The following EPC1 variants were observed in gnomAD, a reference collection of about 807,000 sequenced individuals.
The protein encoded by EPC1 is enhancer of polycomb homolog 1.
EPC1 carries 12 observed loss-of-function variants against 98.4 expected under a neutral mutation model. The ratio of observed to expected loss-of-function variants is 0.12; its 90% CI spans 0.08 to 0.20. EPC1 has a LOEUF of 0.20. Ranked by LOEUF, EPC1 falls within the 10% of genes least tolerant of loss-of-function variation. The pLI, the probability that EPC1 is intolerant of heterozygous loss-of-function variation, is 1.00. For synonymous variants in EPC1, 357 were observed against 363.9 expected (o/e 0.98, Z 0.21); for missense variants, 729 against 990.5 (o/e 0.74, Z 3.54).
chr10:32,374,894 C>T (rs983028544), intron 1 of EPC1, among the ~76,000 whole-genome samples: 9 of 151,968 alleles, frequency 5.9e-5, no homozygotes, highest in African/African-American at 2.2e-4. Context: ...AAAATAGAAA[C>T]AAATGTTGAA....
chr10:32,286,746 C>G lies in EPC1; in HGVS notation c.1339G>C (p.Val447Leu). 2.5e-6 allele frequency: 4 copies of G among 1,614,036 alleles called. No individual in the cohort carries two copies. The African/African-American group carries it at 5.3e-5, about 22-fold the overall frequency. The change falls in exon 9 of 14, where the codon GTA becomes CTA. Residue 447 changes from valine (V) to leucine (L), a missense_variant. This residue lies in a region of EPC1 where 390 missense variants were observed against 438.6 expected (regional missense o/e 0.89). Transcript: ENST00000319778. ...GCAAATCCAATACACCTTTGGGGTA[C>G]GGTGAGAGTAGTTAAGCAGTATCTA... Reference protein sequence around the residue: ...RYRYCLTTLTVPQRCIGFARR... With the variant: ...RYRYCLTTLTLPQRCIGFARR...
rs949240794 is a variant in EPC1 at position 32,286,466 on chromosome 10, T to C, written c.1391+228A>G. 9.7e-6 allele frequency: 5 copies of C among 514,072 alleles called. No homozygotes were observed. The South Asian group carries it at 1.4e-4, about 15-fold the overall frequency. The allele number at this position is 514,072 out of a possible 1,614,324, so 31.8% of individuals were successfully genotyped here. A position where few individuals can be genotyped will look rare whatever the true frequency, so the allele number is the denominator to read the frequency against. ...GATAATTTATCTGAGGTTTTCCACC[T>C]TGGGGAGAAAAGCAGGTCCACTAGG... On this transcript the variant is annotated intron_variant, in intron 9 of 13. Coordinates refer to ENST00000319778, the MANE Select transcript of EPC1 (RefSeq NM_001272004.3).
At chr10:32,273,482 G>GT (rs1835935983) in intron 10 of EPC1, among the ~76,000 whole-genome samples, 1 of 146,170 alleles carries the variant, frequency 6.8e-6, no homozygotes. Flanking sequence ...TGAATTTAAA[G>GT]AAAAAAAAAA....
chr10:32,333,990 A>C (rs1035731558), intron 1 of EPC1, among the ~76,000 whole-genome samples: 2 of 152,242 alleles, frequency 1.3e-5, no homozygotes, highest in African/African-American at 4.8e-5. Context: ...TTGTGGTAGA[A>C]AGCAAGATAA....
intron 2 of EPC1, among the ~76,000 whole-genome samples, chr10:32,304,925 A>T (rs995113937): frequency 6.6e-6 from 1 of 151,656 alleles, no homozygotes; most frequent in African/African-American, 2.4e-5. Flanking sequence ...TCTTAAAAAA[A>T]AAAAAAAAAA....
chr10:32,362,191 A>G (rs566742079), intron 1 of EPC1, among the ~76,000 whole-genome samples: 32 of 152,218 alleles, frequency 2.1e-4, no homozygotes, highest in African/African-American at 7.7e-4. Context: ...TTTTTCTTGC[A>G]TGAGATCCAA....
chr10:32,305,913 C>T lies in EPC1; in HGVS notation c.172G>A (p.Ala58Thr). Residue 58 changes from alanine to threonine, a missense_variant, in exon 2 of 14, where the codon GCT (alanine) becomes ACT (threonine). Physicochemically the swap from Ala to Thr is moderately conservative, Grantham distance 58. Transcript: ENST00000319778. Reference protein sequence around the residue: ...EEESEHHLQRAISAQQVYGEK... With the variant: ...EEESEHHLQRTISAQQVYGEK... ...CCATACACCTGCTGTGCTGAAATAGCCCGCTGAAGATGATGTTCCTAAAAA... is the reference window on the plus strand; with the variant it reads ...CCATACACCTGCTGTGCTGAAATAGTCCGCTGAAGATGATGTTCCTAAAAA... 1 of 1,600,190 alleles carries T rather than the reference C, an allele frequency of 6.2e-7. No individual in the cohort carries two copies. Among genetic ancestry groups the T allele is most frequent in the Non-Finnish European group, 8.5e-7 (1 of 1,175,326 alleles).
At chr10:32,333,479 T>C (rs1239847276) in intron 1 of EPC1, among the ~76,000 whole-genome samples, 1 of 152,178 alleles carries the variant, frequency 6.6e-6, no homozygotes, top group East Asian at 1.9e-4. Flanking sequence ...AAGATATAAA[T>C]TAAATCAAGA....
Position 32,346,680 on chromosome 10 carries a change from T to C in EPC1, c.153+83A>G, listed in dbSNP as rs1051935322. 8.2e-6 allele frequency: 11 copies of C among 1,338,382 alleles called. No homozygotes were observed. In the East Asian group the frequency reaches 2.6e-4, roughly 32 times the overall value. 82.9% of individuals were successfully genotyped at this position (1,338,382 alleles called of 1,614,324 possible). A position where few individuals can be genotyped will look rare whatever the true frequency, so the allele number is the denominator to read the frequency against. ...CGAAGAGAAGATGGCGGCCATTTTG[T>C]GTGGGTTTGCTGCTCCGCCGCCGCC... On this transcript the variant is annotated intron_variant, in intron 1 of 13. Transcript: ENST00000319778.
chr10:32,287,226 G>T lies in EPC1; in HGVS notation c.1024C>A (p.Pro342Thr). The part of the protein sequence containing the change: ...IRPKRKYEKK[P>T]KVLPSSAAAT... ...GCGGCAGACGATGGTAAGACTTTGGGCTTCTTTTCATATTTCCGTTTCGGT... is the reference window on the plus strand; with the variant it reads ...GCGGCAGACGATGGTAAGACTTTGGTCTTCTTTTCATATTTCCGTTTCGGT... Residue 342 changes from proline (P) to threonine (T), a missense_variant, in exon 7 of 14, where the codon CCC (proline) becomes ACC (threonine). Around this residue, in one of 6 missense-constraint regions of EPC1, gnomAD observed 390 missense variants for 438.6 expected, o/e 0.89. Coordinates refer to ENST00000319778, the MANE Select transcript of EPC1 (RefSeq NM_001272004.3). 1 of 1,614,076 alleles carries T rather than the reference G, an allele frequency of 6.2e-7. No individual in the cohort carries two copies. Among genetic ancestry groups the T allele is most frequent in the Non-Finnish European group, 8.5e-7 (1 of 1,180,022 alleles).
In EPC1 at chr10:32,268,855, T is replaced by A; in HGVS notation, c.*208A>T. The stretch of plus-strand genomic sequence containing the variant: ...AAATATGCAGTACTGTACAGATAAT[T>A]GCTGTATTCTTAATTTACAGATGTT... On this transcript the variant is annotated 3_prime_UTR_variant, in exon 14 of 14. Coordinates refer to ENST00000319778, the MANE Select transcript of EPC1 (RefSeq NM_001272004.3). 6.1e-6 allele frequency: 3 copies of A among 495,502 alleles called. No homozygotes were observed. Among genetic ancestry groups the A allele is most frequent in the Non-Finnish European group, 1.1e-5 (3 of 275,716 alleles). The allele number at this position is 495,502 out of a possible 1,614,324, so 30.7% of individuals were successfully genotyped here. A position where few individuals can be genotyped will look rare whatever the true frequency, so the allele number is the denominator to read the frequency against.
In EPC1 at chr10:32,360,522, G is replaced by T. The variant is rs537591001; in HGVS notation, c.3+17969C>A. Among the ~76,000 whole-genome samples, 88 of 152,272 alleles carry T rather than the reference G, an allele frequency of 5.8e-4. No homozygotes were observed. The Middle Eastern group carries it at 0.024, about 41-fold the overall frequency. ...GAGACACAGCAGGATGTACCAGAAGGAACACGGGTTTCCATATTTGCTGAT... is the reference window on the plus strand; with the variant it reads ...GAGACACAGCAGGATGTACCAGAAGTAACACGGGTTTCCATATTTGCTGAT... On this transcript the variant is annotated intron_variant, in intron 1 of 13. Transcript: ENST00000375110.
At chr10:32,274,541 T>C (rs1341078364) in intron 10 of EPC1, among the ~76,000 whole-genome samples, 1 of 152,008 alleles carries the variant, frequency 6.6e-6, no homozygotes, top group African/African-American at 2.4e-5. Flanking sequence ...AATAAGTTAT[T>C]AGTATCTACA....
At chr10:32,366,596 G>A (rs1300998578) in intron 1 of EPC1, among the ~76,000 whole-genome samples, 1 of 130,928 alleles carries the variant, frequency 7.6e-6, no homozygotes, top group Non-Finnish European at 1.7e-5. Context: ...ATAATCATAA[G>A]AATAGTCTGC....
intron 1 of EPC1, among the ~76,000 whole-genome samples, chr10:32,328,120 T>C (rs2132950729): frequency 6.6e-6 from 1 of 152,230 alleles, no homozygotes; most frequent in African/African-American, 2.4e-5. Flanking sequence ...ACCAAAGGCT[T>C]TGAGCAACAA....
intron 1 of EPC1, chr10:32,345,127 TTTAA>T: frequency 3.1e-6 from 3 of 974,056 alleles, no homozygotes; most frequent in East Asian, 1.1e-4. Context: ...TCACAAGTAC[TTTAA>T]TTTTTAAAAA....
chr10:32,316,302 G>A (rs571293249), intron 1 of EPC1, among the ~76,000 whole-genome samples: 2 of 152,176 alleles, frequency 1.3e-5, no homozygotes, highest in Admixed American at 6.5e-5. Context: ...TCCATAGCCC[G>A]GCAAGTCTGC....
At chr10:32,351,880 G>A (rs191134531), upstream of EPC1, among the ~76,000 whole-genome samples, 2,418 of 149,412 alleles carry the variant, frequency 0.016, 26 homozygotes, top group South Asian at 0.043. Context: ...ACAAGTGTGC[G>A]CCATCACGCC....
chr10:32,299,568 T>C (rs61844511), intron 2 of EPC1, among the ~76,000 whole-genome samples: 1,860 of 63,920 alleles, frequency 0.029, 22 homozygotes, highest in South Asian at 0.078. Context: ...TCATCATTAT[T>C]ATTATTATTA....
Sources: allele counts gnomAD v4.1 joint callset (sites outside exome capture counted in the v4.1 genomes callset), GRCh38; gene constraint gnomAD v4.1.1; regional missense constraint gnomAD v4.1.1; transcripts MANE v1.5; gene names NCBI Gene and HGNC (gene_info 2026-07-23, HGNC 2026-07-21).